The following KDM6A variants were observed in gnomAD, a reference collection of about 807,000 sequenced individuals.
KDM6A encodes the protein lysine-specific demethylase 6A.
KDM6A carries 11 observed loss-of-function variants against 117.6 expected under a neutral mutation model. The observed-to-expected ratio is 0.09, with a 90% confidence interval of 0.06 to 0.15. The LOEUF (loss-of-function observed/expected upper bound fraction) is 0.15. Among genes scored for constraint, KDM6A ranks in the 10% least tolerant of loss-of-function variants. KDM6A has a pLI of 1.00. For synonymous variants in KDM6A, 384 were observed against 396.1 expected, an observed-to-expected ratio of 0.97 and a Z score of 0.36; for missense variants, 799 against 1,077.3, an observed-to-expected ratio of 0.74 and a Z score of 3.62.
chrX:45,102,750 CT>C lies in KDM6A; in HGVS notation c.4035-4654del, dbSNP rs780637055. The stretch of plus-strand genomic sequence containing the variant: ...TAATATATATGTATTTGCTTTCATG[CT>C]TTTTTCCCCCCATCTAGGAGCTTAA... On this transcript the variant is annotated intron_variant, in intron 27 of 29. Coordinates refer to ENST00000611820, the MANE Select transcript of KDM6A (RefSeq NM_001291415.2). 2.7e-5 allele frequency among the ~76,000 whole-genome samples: 3 copies of C among 111,843 alleles called. No homozygotes were observed. The South Asian group carries it at 1.1e-3, about 42-fold the overall frequency.
At chrX:45,073,093 G>T (rs2044939664) in intron 18 of KDM6A, among the ~76,000 whole-genome samples, 2 of 109,750 alleles carry the variant, frequency 1.8e-5, no homozygotes, top group Non-Finnish European at 3.8e-5. Flanking sequence ...TCATTGTTCA[G>T]TTCCTAGCTA....
At chrX:44,897,094 C>CTTAGCT (rs1208974542) in intron 2 of KDM6A, among the ~76,000 whole-genome samples, 1 of 104,114 alleles carries the variant, frequency 9.6e-6, no homozygotes, top group Non-Finnish European at 2.0e-5. Context: ...TGAGAAGAGT[C>CTTAGCT]TTAGCTTTTT....
chrX:44,965,126 T>G (rs374953324), intron 3 of KDM6A, among the ~76,000 whole-genome samples: 2 of 112,331 alleles, frequency 1.8e-5, no homozygotes, highest in East Asian at 5.6e-4. Flanking sequence ...TTCTGCAGCT[T>G]CTTCACTTCT....
intron 2 of KDM6A, among the ~76,000 whole-genome samples, chrX:44,942,061 T>C: frequency 9.3e-6 from 1 of 107,035 alleles, no homozygotes; most frequent in Admixed American, 1.0e-4. Context: ...TGAGACAGAG[T>C]CTCACTCTGT....
intron 2 of KDM6A, among the ~76,000 whole-genome samples, chrX:44,919,978 G>C (rs150446294): frequency 0.038 from 4,290 of 111,949 alleles, 214 homozygotes; most frequent in African/African-American, 0.13. Flanking sequence ...TTAGTATCCA[G>C]ATATTTGGGG....
At chrX:44,943,867 A>T (rs1399532387) in intron 2 of KDM6A, among the ~76,000 whole-genome samples, 1 of 111,826 alleles carries the variant, frequency 8.9e-6, no homozygotes, top group African/African-American at 3.2e-5. Context: ...TTTAACTGCC[A>T]ATCTGTGTTC....
chrX:44,992,206 C>CTTTTTTTTTTTTTTTTTTTT (rs779979560), intron 4 of KDM6A, among the ~76,000 whole-genome samples: 1 of 32,039 alleles, frequency 3.1e-5, no homozygotes, highest in Non-Finnish European at 5.8e-5. Flanking sequence ...CTGTCTTCTT[C>CTTTTTTTTTTTTTTTTTTTT]TTTTTTTTTT....
chrX:44,992,284 G>C (rs745405693), intron 4 of KDM6A, among the ~76,000 whole-genome samples: 12 of 82,425 alleles, frequency 1.5e-4, no homozygotes, highest in African/African-American at 5.6e-4. Flanking sequence ...GAGTGCAATG[G>C]TGCGATCTCG....
At chrX:44,958,292 C>T (rs1202087983) in intron 2 of KDM6A, among the ~76,000 whole-genome samples, 1 of 107,922 alleles carries the variant, frequency 9.3e-6, no homozygotes. Flanking sequence ...AAGCAATTCT[C>T]TTGCCCCAGC....
At chrX:45,058,925 G>GCTT (rs1159521712) in intron 10 of KDM6A, 81 bp from the exon 11 acceptor site, 2 of 887,843 alleles carry the variant, frequency 2.3e-6, no homozygotes, top group African/African-American at 4.0e-5. Flanking sequence ...GTGATATATA[G>GCTT]TCCATCCTTT....
rs2046714547 is a variant in KDM6A at position 45,110,182 on chromosome X, A to C, written c.4265A>C (p.Glu1422Ala). 1.7e-6 allele frequency: 2 copies of C among 1,211,267 alleles called. No individual in the cohort carries two copies. Among genetic ancestry groups the C allele is most frequent in the Admixed American group, 4.3e-5 (2 of 46,012 alleles). ...GCACGAAAAACAAGCGGAAACTTGG[A>C]AAACTTTGTGGTGCTAGAACAGTAC... ...DCARKTSGNL[E>A]NFVVLEQYKM... is the part of the protein sequence containing the mutation. The change falls in exon 29 of 30, where the codon GAA becomes GCA. Residue 1422 changes from glutamate to alanine, a missense_variant. By Grantham distance (107) the Glu-to-Ala change is moderately radical. Around this residue, in one of 8 missense-constraint regions of KDM6A, gnomAD observed 291 missense variants for 437.9 expected, o/e 0.66. Coordinates refer to ENST00000611820, the MANE Select transcript of KDM6A (RefSeq NM_001291415.2).
At chrX:45,063,112 G>A (rs937476140) in intron 16 of KDM6A, among the ~76,000 whole-genome samples, 1 of 110,612 alleles carries the variant, frequency 9.0e-6, no homozygotes, top group Non-Finnish European at 1.9e-5. Flanking sequence ...ATTGAGAGAA[G>A]GACCTATAAG....
At chrX:45,051,386 C>T (rs191033995) in intron 8 of KDM6A, among the ~76,000 whole-genome samples, 6 of 111,435 alleles carry the variant, frequency 5.4e-5, no homozygotes, top group Admixed American at 3.8e-4. Flanking sequence ...AGGTAGAATA[C>T]GTCTAATGTT....
chrX:45,108,913 G>A (rs1190083137), intron 28 of KDM6A, among the ~76,000 whole-genome samples: 2 of 97,007 alleles, frequency 2.1e-5, no homozygotes, highest in Non-Finnish European at 4.1e-5. Flanking sequence ...GGTGGGAATT[G>A]AACAGTGAGA....
At chrX:45,027,968 A>G (rs140130541) in intron 6 of KDM6A, among the ~76,000 whole-genome samples, 2,226 of 106,479 alleles carry the variant, frequency 0.021, 24 homozygotes, top group South Asian at 0.039. Flanking sequence ...TAATTTTTGT[A>G]TTTTTAGTAG....
intron 2 of KDM6A, among the ~76,000 whole-genome samples, chrX:44,931,736 G>A (rs1208963423): frequency 8.9e-6 from 1 of 111,802 alleles, no homozygotes; most frequent in Non-Finnish European, 1.9e-5. Flanking sequence ...TGTTTGATGT[G>A]TATAGAATTT....
At chrX:44,990,257 C>T (rs970458050) in intron 4 of KDM6A, among the ~76,000 whole-genome samples, 9 of 111,631 alleles carry the variant, frequency 8.1e-5, no homozygotes, top group Non-Finnish European at 1.1e-4. Flanking sequence ...AACAAACTGT[C>T]GCTGGGCACA....
At chrX:45,083,174 T>C (rs2045494996) in intron 23 of KDM6A, among the ~76,000 whole-genome samples, 1 of 102,544 alleles carries the variant, frequency 9.8e-6, no homozygotes, top group Non-Finnish European at 1.9e-5. Flanking sequence ...ACAAATTATA[T>C]TTTTAATTAT....
intron 4 of KDM6A, among the ~76,000 whole-genome samples, chrX:44,979,732 A>T (rs1049013586): frequency 1.8e-5 from 2 of 110,762 alleles, no homozygotes; most frequent in African/African-American, 6.6e-5. Context: ...TTATGATGTG[A>T]GATAGCATCA....
Sources: allele counts gnomAD v4.1 joint callset (sites outside exome capture counted in the v4.1 genomes callset), GRCh38; gene constraint gnomAD v4.1.1; regional missense constraint gnomAD v4.1.1; transcripts MANE v1.5; gene names NCBI Gene and HGNC (gene_info 2026-07-23, HGNC 2026-07-21).